GSS: variants seen among roughly 807,000 people sequenced by gnomAD.
The protein encoded by GSS is glutathione synthetase, also known as GSH synthetase.
A neutral mutation model predicts 60.4 loss-of-function variants in GSS; 34 were observed. The observed-to-expected ratio is 0.56, with a 90% CI of 0.43 to 0.75. The LOEUF is 0.75. Ranked by LOEUF, GSS falls within the 30% of genes least tolerant of loss-of-function variation. The pLI, the probability that GSS is intolerant of heterozygous loss-of-function variation, is 0.00. For synonymous variants in GSS, 224 were observed against 239.0 expected (o/e 0.94, Z 0.58); for missense variants, 499 against 595.1 (o/e 0.84, Z 1.68).
intron 2 of GSS, chr20:34,949,633 C>T (rs556936188): frequency 6.6e-5 from 10 of 152,110 alleles, no homozygotes; most frequent in Non-Finnish European, 1.3e-4. Flanking sequence ...GAGCCAAATT[C>T]CTTGGGTTCA....
intron 9 of GSS, among the ~76,000 whole-genome samples, chr20:34,932,566 G>A (rs932707944): frequency 1.1e-4 from 16 of 152,118 alleles, no homozygotes; most frequent in African/African-American, 3.9e-4. Flanking sequence ...TCCCTCCTCA[G>A]GGCCTGCACT....
intron 1 of GSS, chr20:34,954,539 A>G (rs1469614160): frequency 6.6e-6 from 1 of 152,488 alleles, no homozygotes; most frequent in Admixed American, 6.6e-5. Flanking sequence ...GGGCAACAAG[A>G]GCAAAGCTCT....
At chr20:34,935,948 G>A (rs1444795344) in intron 8 of GSS, among the ~76,000 whole-genome samples, 1 of 152,118 alleles carries the variant, frequency 6.6e-6, no homozygotes, top group Non-Finnish European at 1.5e-5. Context: ...TACAAATGTT[G>A]GCTCGAAATT....
chr20:34,953,445 A>G (rs942566958), intron 1 of GSS, among the ~76,000 whole-genome samples: 16 of 152,142 alleles, frequency 1.1e-4, no homozygotes, highest in Non-Finnish European at 2.4e-4. Flanking sequence ...ATAGTAAAGA[A>G]CAAGGTTCAA....
chr20:34,936,924 T>C lies in GSS; in HGVS notation c.689+19A>G. On this transcript the variant is annotated intron_variant, in intron 7 of 12. Coordinates refer to ENST00000651619, the MANE Select transcript of GSS (RefSeq NM_000178.4). ...CTAATCCTGGAGCCACACCTAGAAG[T>C]CCCCCTTCCTTTACTTACCTGGCCA... 6.2e-7 allele frequency: 1 copy of C among 1,608,264 alleles called. No homozygotes were observed. Among genetic ancestry groups the C allele is most frequent in the African/African-American group, 1.3e-5 (1 of 74,846 alleles).
intron 3 of GSS, among the ~76,000 whole-genome samples, 174 bp downstream of exon 3, chr20:34,945,779 G>C (rs73905013): frequency 0.062 from 9,375 of 152,228 alleles, 949 homozygotes; most frequent in African/African-American, 0.22. Context: ...TAAATAACTG[G>C]TCGAGCCAGG....
intron 6 of GSS, 135 bp downstream of exon 6, chr20:34,941,578 C>A: frequency 1.5e-6 from 1 of 686,210 alleles, no homozygotes; most frequent in South Asian, 1.5e-5. Flanking sequence ...ATAATTTTGG[C>A]ATGTAAAGGT....
intron 6 of GSS, among the ~76,000 whole-genome samples, chr20:34,939,335 A>T (rs1183411656): frequency 6.6e-6 from 1 of 152,230 alleles, no homozygotes; most frequent in Non-Finnish European, 1.5e-5. Context: ...TTCTAACCAC[A>T]GGCCCTATGC....
chr20:34,938,133 C>T (rs2081455095), intron 6 of GSS, among the ~76,000 whole-genome samples: 1 of 152,200 alleles, frequency 6.6e-6, no homozygotes, highest in African/African-American at 2.4e-5. Flanking sequence ...GTTAGCATTA[C>T]AGGTGTGAGC....
At chr20:34,944,834 C>T (rs2081508034) in intron 3 of GSS, among the ~76,000 whole-genome samples, 1 of 152,064 alleles carries the variant, frequency 6.6e-6, no homozygotes, top group South Asian at 2.1e-4. Context: ...TCAGGCGTGG[C>T]GTTTTCCACT....
intron 1 of GSS, chr20:34,955,355 G>A (rs1339788857): frequency 6.6e-6 from 1 of 152,248 alleles, no homozygotes; most frequent in African/African-American, 2.4e-5. Context: ...TTAGGCCAGT[G>A]CCTGGAAAGG....
At chr20:34,948,605 G>A (rs568083910) in intron 2 of GSS, among the ~76,000 whole-genome samples, 1 of 152,194 alleles carries the variant, frequency 6.6e-6, no homozygotes, top group Admixed American at 6.5e-5. Flanking sequence ...CCAACATGGT[G>A]AAACCCCATC....
At chr20:34,937,773 T>C (rs995310745) in intron 6 of GSS, among the ~76,000 whole-genome samples, 8 of 152,216 alleles carry the variant, frequency 5.3e-5, no homozygotes, top group African/African-American at 1.9e-4. Flanking sequence ...CATATTTCCG[T>C]TGTCAAAGAT....
At position 34,939,201 on chromosome 20, in the gene GSS, T is replaced by C. The variant is rs34436391; in HGVS notation, c.609-2178A>G. Among the ~76,000 whole-genome samples, 98 of 152,132 alleles carry C rather than the reference T, an allele frequency of 6.4e-4. 1 individual carries two copies. In the East Asian group the frequency reaches 0.016, roughly 25 times the overall value. On this transcript the variant is annotated intron_variant, in intron 6 of 12. Transcript: ENST00000651619. ...GATGTAGTGAGCCGAGATCGTGCCA[T>C]TGCACTCCAGCCTGGGCAACAAAAA... is the stretch of plus-strand genomic sequence containing the variant.
intron 1 of GSS, among the ~76,000 whole-genome samples, chr20:34,953,474 C>A (rs761330751): frequency 2.2e-4 from 33 of 152,260 alleles, no homozygotes; most frequent in East Asian, 9.6e-4. Context: ...GACAGACAGA[C>A]CTGGGTTTGA....
chr20:34,932,053 C>T lies in GSS; in HGVS notation c.915G>A (p.Lys305=), dbSNP rs200189613. ...PDIATQLAGT[K]KVQQELSRPG... ...GCCTGCTTAGCTCCTGCTGCACCTT[C>T]TTAGTCCCAGCCAGCTGGGTGGCAA... The change falls in exon 10 of 13, where the codon AAG becomes AAA. Residue 305 remains lysine (K), a synonymous_variant. Transcript: ENST00000651619. 4.4e-5 allele frequency: 71 copies of T among 1,614,110 alleles called. No individual in the cohort carries two copies. The highest frequency in any genetic ancestry group is 4.6e-5 in the Non-Finnish European group (54 of 1,180,022).
rs1304810463 is a variant in GSS, at chr20:34,931,997, T to G, written c.971A>C (p.Gln324Pro). The change falls in exon 10 of 13, where the codon CAG becomes CCG. Residue 324 changes from glutamine (Q) to proline (P), a missense_variant. Gln to Pro is a moderately conservative substitution (Grantham distance 76). Transcript: ENST00000651619. ...GCGGAGGCGGGCCACAGCCTCAGGC[T>G]GGCCAGGGAGCAACATCTCCAGCAT... Reference protein sequence around the residue: ...PGMLEMLLPGQPEAVARLRAT... With the variant: ...PGMLEMLLPGPPEAVARLRAT... The G allele has an allele frequency of 6.2e-7, 1 of 1,614,224 alleles. No homozygotes were observed. Among genetic ancestry groups the G allele is most frequent in the Admixed American group, 1.7e-5 (1 of 60,024 alleles).
chr20:34,935,096 G>A (rs1288477223), intron 9 of GSS, among the ~76,000 whole-genome samples: 5 of 152,206 alleles, frequency 3.3e-5, no homozygotes, highest in Admixed American at 6.5e-5. Context: ...ATGCCTCACC[G>A]AGTGGTTGTG....
intron 6 of GSS, among the ~76,000 whole-genome samples, chr20:34,940,389 G>A (rs911077366): frequency 3.3e-5 from 5 of 152,210 alleles, no homozygotes; most frequent in African/African-American, 9.6e-5. Flanking sequence ...AAGAATATTT[G>A]TCTGATGACT....
Sources: allele counts gnomAD v4.1 joint callset (sites outside exome capture counted in the v4.1 genomes callset), GRCh38; gene constraint gnomAD v4.1.1; transcripts MANE v1.5; gene names NCBI Gene and HGNC (gene_info 2026-07-23, HGNC 2026-07-21).